TPD52L1: variants seen among roughly 807,000 people sequenced by gnomAD.
TPD52L1 encodes TPD52 like 1.
In TPD52L1, 18 loss-of-function variants were observed where a neutral mutation model predicts 28.7. The ratio of observed to expected loss-of-function variants is 0.63; its 90% CI spans 0.43 to 0.93. TPD52L1 has a LOEUF of 0.93. TPD52L1 is among the 40% of genes least tolerant of loss of function. The pLI is 0.00. For synonymous variants in TPD52L1, 75 were observed against 88.8 expected (o/e 0.84, Z 0.88); for missense variants, 203 against 254.8 (o/e 0.80, Z 1.39).
intron 1 of TPD52L1, among the ~76,000 whole-genome samples, chr6:125,186,688 C>CA (rs1792658082): frequency 6.6e-6 from 1 of 152,122 alleles, no homozygotes; most frequent in African/African-American, 2.4e-5. Flanking sequence ...CCATCTTTAT[C>CA]AAAACGGTGT....
intron 2 of TPD52L1, among the ~76,000 whole-genome samples, chr6:125,220,826 AC>A (rs1014712107): frequency 1.3e-5 from 2 of 152,168 alleles, no homozygotes; most frequent in African/African-American, 2.4e-5. Context: ...TGCTTGCAAT[AC>A]CCACTTTAGA....
chr6:125,249,198 A>G (rs1797103837), intron 4 of TPD52L1, among the ~76,000 whole-genome samples: 1 of 151,394 alleles, frequency 6.6e-6, no homozygotes. Flanking sequence ...TTATTTAAAT[A>G]CCAGTCATAG....
chr6:125,166,329 A>G (rs1790898336), intron 1 of TPD52L1, among the ~76,000 whole-genome samples: 1 of 152,152 alleles, frequency 6.6e-6, no homozygotes, highest in South Asian at 2.1e-4. Flanking sequence ...TCCAAAATGG[A>G]CTCATTTCTA....
rs1426745221 is a variant in TPD52L1, at chr6:125,220,077, G to A, written c.20-1G>A. 2.5e-6 allele frequency: 4 copies of A among 1,610,436 alleles called. No individual in the cohort carries two copies. The highest frequency in any genetic ancestry group is 2.5e-6 in the Non-Finnish European group (3 of 1,176,900). On this transcript the variant is annotated splice_acceptor_variant, in intron 1 of 6. Coordinates refer to ENST00000534000, the MANE Select transcript of TPD52L1 (RefSeq NM_003287.4). LOFTEE classifies it high-confidence loss of function. ...TTCTGTTTTATCAATTCTGCCTAAA[G>A]GTTTGTTGGAGACTGAACCGTTGCA...
intron 1 of TPD52L1, among the ~76,000 whole-genome samples, chr6:125,206,742 A>G (rs1239108537): frequency 1.3e-5 from 2 of 152,184 alleles, no homozygotes; most frequent in Non-Finnish European, 2.9e-5. Context: ...TTTTTTGAAC[A>G]GGGTTTTGGC....
chr6:125,221,382 T>G (rs1795220361), intron 2 of TPD52L1, among the ~76,000 whole-genome samples: 1 of 152,322 alleles, frequency 6.6e-6, no homozygotes, highest in South Asian at 2.1e-4. Context: ...TTCTGGCTCA[T>G]GACTAGTTCA....
At chr6:125,172,160 T>G (rs868615604) in intron 1 of TPD52L1, among the ~76,000 whole-genome samples, 41 of 53,954 alleles carry the variant, frequency 7.6e-4, no homozygotes, top group African/African-American at 2.3e-3. Flanking sequence ...TTCTTTCTTT[T>G]CTTTCTTTCT....
At chr6:125,154,546 T>TC (rs3839553) in intron 1 of TPD52L1, 437,272 of 984,310 alleles carry the variant, frequency 0.44, 100,356 homozygotes, top group African/African-American at 0.73. Flanking sequence ...AGTCCCGGTT[T>TC]CCGCGATCGG....
chr6:125,153,840 AGGAGTG>A lies in TPD52L1; in HGVS notation c.-107_-102del. 2 of 1,263,442 alleles carry A rather than the reference AGGAGTG, an allele frequency of 1.6e-6. No homozygotes were observed. The highest frequency in any genetic ancestry group is 2.1e-6 in the Non-Finnish European group (2 of 936,054). 78.3% of individuals were successfully genotyped at this position (1,263,442 alleles called of 1,614,324 possible). On this transcript the variant is annotated 5_prime_UTR_variant, in exon 1 of 7. Transcript: ENST00000534000. ...GCGCAGCGCTCGCGACACGCGTGCC[AGGAGTG>A]GGAGCGAGCGGCGGGGCCAGCTGCG...
At chr6:125,160,120 T>A (rs1309002213) in intron 1 of TPD52L1, among the ~76,000 whole-genome samples, 1 of 152,174 alleles carries the variant, frequency 6.6e-6, no homozygotes, top group Non-Finnish European at 1.5e-5. Flanking sequence ...CCTCTTTTTC[T>A]TTACAAATTT....
At chr6:125,240,171 C>G (rs995578505) in intron 3 of TPD52L1, among the ~76,000 whole-genome samples, 5 of 152,110 alleles carry the variant, frequency 3.3e-5, no homozygotes, top group Non-Finnish European at 7.4e-5. Context: ...CTGTTCTCTT[C>G]CATTGTTCTA....
At chr6:125,219,704 C>T in intron 1 of TPD52L1, 1 of 298,998 alleles carries the variant, frequency 3.3e-6, no homozygotes, top group Non-Finnish European at 6.5e-6. Flanking sequence ...ACAATTTACA[C>T]AGGAATCTCA....
intron 2 of TPD52L1, among the ~76,000 whole-genome samples, chr6:125,226,873 A>T (rs1795642516): frequency 6.6e-6 from 1 of 152,184 alleles, no homozygotes; most frequent in South Asian, 2.1e-4. Context: ...GAAAAAGAGA[A>T]ATATGACATG....
intron 1 of TPD52L1, among the ~76,000 whole-genome samples, chr6:125,192,246 C>T (rs1192227431): frequency 1.3e-5 from 2 of 152,072 alleles, no homozygotes; most frequent in African/African-American, 4.8e-5. Flanking sequence ...CAGAACCCGG[C>T]TGACCTGAGC....
intron 1 of TPD52L1, among the ~76,000 whole-genome samples, chr6:125,218,295 G>A (rs1264283140): frequency 2.0e-5 from 3 of 152,160 alleles, no homozygotes; most frequent in Non-Finnish European, 4.4e-5. Flanking sequence ...TCTACTGAGC[G>A]TGAACTAATT....
intron 1 of TPD52L1, among the ~76,000 whole-genome samples, chr6:125,180,272 CT>C (rs3839551): frequency 0.12 from 18,556 of 151,956 alleles, 1,289 homozygotes; most frequent in East Asian, 0.36. Context: ...CAATTTGATT[CT>C]TTTTTGGGGA....
At chr6:125,173,934 A>G (rs554063586) in intron 1 of TPD52L1, among the ~76,000 whole-genome samples, 1 of 152,352 alleles carries the variant, frequency 6.6e-6, no homozygotes, top group South Asian at 2.1e-4. Flanking sequence ...GGCCTGTCAC[A>G]TAAAGGGATC....
chr6:125,194,842 A>C (rs1045365195), intron 1 of TPD52L1, among the ~76,000 whole-genome samples: 4 of 152,204 alleles, frequency 2.6e-5, no homozygotes, highest in Non-Finnish European at 5.9e-5. Flanking sequence ...ATTTATAGTT[A>C]GTTGGTGTCA....
intron 2 of TPD52L1, among the ~76,000 whole-genome samples, chr6:125,223,239 C>T (rs998515710): frequency 6.6e-6 from 1 of 152,168 alleles, no homozygotes; most frequent in African/African-American, 2.4e-5. Flanking sequence ...ATAATATTCC[C>T]ATGAGGTTGC....
Sources: allele counts gnomAD v4.1 joint callset (sites outside exome capture counted in the v4.1 genomes callset), GRCh38; gene constraint gnomAD v4.1.1; transcripts MANE v1.5; gene names NCBI Gene and HGNC (gene_info 2026-07-23, HGNC 2026-07-21).